Variants in AMPH observed in about 807,000 individuals in gnomAD.
AMPH encodes the protein amphiphysin (Stiff-Mann syndrome with breast cancer 128kD autoantigen).
Under a neutral mutation model 99.1 loss-of-function variants are expected in AMPH, and 49 were observed. The ratio of observed to expected loss-of-function variants is 0.49; its 90% CI spans 0.39 to 0.63. The LOEUF is 0.63. Among genes scored for constraint, AMPH ranks in the 20% least tolerant of loss-of-function variants. The probability of loss-of-function intolerance (pLI) is 0.00; values close to 1 mark genes in which losing one functional copy is unlikely to be tolerated. For synonymous variants in AMPH, 314 were observed against 317.3 expected (o/e 0.99, Z 0.11); for missense variants, 759 against 863.4 (o/e 0.88, Z 1.52).
intron 10 of AMPH, among the ~76,000 whole-genome samples, chr7:38,462,707 G>A (rs1270658854): frequency 6.6e-6 from 1 of 152,174 alleles, no homozygotes; most frequent in Non-Finnish European, 1.5e-5. Context: ...CAAGAGATAG[G>A]AGAAGAGAGA....
At chr7:38,578,605 CA>C (rs1373032732) in intron 1 of AMPH, among the ~76,000 whole-genome samples, 2 of 151,978 alleles carry the variant, frequency 1.3e-5, no homozygotes. Flanking sequence ...ACTATGATAA[CA>C]ATTATTTTTT....
intron 3 of AMPH, 102 bp downstream of exon 3, chr7:38,503,548 G>A: frequency 8.6e-7 from 1 of 1,166,048 alleles, no homozygotes; most frequent in South Asian, 1.3e-5. Flanking sequence ...CATCTTGCCA[G>A]GAAGCCAAAT....
intron 3 of AMPH, among the ~76,000 whole-genome samples, chr7:38,495,958 G>A (rs1439353258): frequency 6.6e-6 from 1 of 152,176 alleles, no homozygotes; most frequent in Non-Finnish European, 1.5e-5. Context: ...AAAACAAGGG[G>A]CCAGGAAGAG....
intron 1 of AMPH, among the ~76,000 whole-genome samples, chr7:38,549,178 T>G (rs541703185): frequency 8.5e-5 from 13 of 152,370 alleles, no homozygotes; most frequent in African/African-American, 3.1e-4. Flanking sequence ...TTCTAGCTGC[T>G]GTATCAAAAG....
At position 38,405,896 on chromosome 7, in the gene AMPH, C is replaced by T. The variant is rs549060442; in HGVS notation, c.1399-11682G>A. On this transcript the variant is annotated intron_variant, in intron 17 of 20. Coordinates refer to ENST00000356264, the MANE Select transcript of AMPH (RefSeq NM_001635.4). ...CTTAATAGACATCTATAGAACATTC[C>T]ACCCAACAACTGCAGAATATACAAT... Among the ~76,000 whole-genome samples, 32 of 152,248 alleles carry T rather than the reference C, an allele frequency of 2.1e-4. 1 individual carries two copies. Among genetic ancestry groups the T allele is most frequent in the African/African-American group, 7.7e-4 (32 of 41,566 alleles).
intron 17 of AMPH, among the ~76,000 whole-genome samples, chr7:38,399,088 A>G (rs1433488347): frequency 1.3e-5 from 2 of 152,026 alleles, no homozygotes; most frequent in Non-Finnish European, 2.9e-5. Flanking sequence ...ACTCTGGCAA[A>G]GGTAAGGTGC....
chr7:38,534,445 G>A (rs934697408), intron 2 of AMPH, among the ~76,000 whole-genome samples: 1 of 152,158 alleles, frequency 6.6e-6, no homozygotes, highest in African/African-American at 2.4e-5. Context: ...GGCCTAGGTG[G>A]GTGGATCGCT....
chr7:38,607,180 C>G (rs1413968530), intron 1 of AMPH, among the ~76,000 whole-genome samples: 1 of 152,162 alleles, frequency 6.6e-6, no homozygotes, highest in Non-Finnish European at 1.5e-5. Context: ...GAGATGGTGA[C>G]TTAGAAATGA....
intron 7 of AMPH, among the ~76,000 whole-genome samples, chr7:38,468,020 G>A (rs925714799): frequency 2.6e-5 from 4 of 152,000 alleles, no homozygotes. Context: ...GAATATCTAT[G>A]ATTAAGGTTT....
intron 1 of AMPH, among the ~76,000 whole-genome samples, chr7:38,569,519 A>G (rs952238024): frequency 2.6e-5 from 4 of 152,210 alleles, no homozygotes; most frequent in East Asian, 1.9e-4. Context: ...AAAGCATAGT[A>G]GAACCGAAAC....
At chr7:38,562,737 G>A (rs577309848) in intron 1 of AMPH, among the ~76,000 whole-genome samples, 34 of 152,178 alleles carry the variant, frequency 2.2e-4, no homozygotes, top group Admixed American at 1.8e-3. Flanking sequence ...AAAACCAAAA[G>A]CATCTTTTAT....
At chr7:38,557,648 C>T (rs1339059689) in intron 1 of AMPH, among the ~76,000 whole-genome samples, 1 of 152,126 alleles carries the variant, frequency 6.6e-6, no homozygotes, top group Non-Finnish European at 1.5e-5. Context: ...TCTTTATTAG[C>T]AGCATGAGAA....
At chr7:38,580,658 GGATGATGATGATGATGAT>G (rs60977723) in intron 1 of AMPH, among the ~76,000 whole-genome samples, 2 of 149,386 alleles carry the variant, frequency 1.3e-5, no homozygotes, top group African/African-American at 2.5e-5. Context: ...AAGAGATATG[GGATGATGATGATGATGAT>G]GATGATGATG....
At chr7:38,629,496 A>C (rs918137069) in intron 1 of AMPH, among the ~76,000 whole-genome samples, 5 of 151,922 alleles carry the variant, frequency 3.3e-5, no homozygotes, top group Non-Finnish European at 5.9e-5. Flanking sequence ...ATCGTGAAAA[A>C]GTGAGTTTTG....
intron 1 of AMPH, among the ~76,000 whole-genome samples, chr7:38,539,040 A>G (rs1475940402): frequency 1.3e-5 from 2 of 152,232 alleles, no homozygotes; most frequent in Non-Finnish European, 2.9e-5. Flanking sequence ...GAAAGAAGTG[A>G]GCTGAAGACA....
intron 3 of AMPH, among the ~76,000 whole-genome samples, chr7:38,495,753 T>G (rs1419547653): frequency 1.3e-5 from 2 of 152,170 alleles, no homozygotes; most frequent in African/African-American, 2.4e-5. Flanking sequence ...GGTCTGAATT[T>G]TCATTAGGGA....
At position 38,534,968 on chromosome 7, in the gene AMPH, T is replaced by A. The variant is rs544763333; in HGVS notation, c.113A>T (p.Gln38Leu). The part of the protein sequence containing the change: ...LGKADETKDE[Q>L]FEEYVQNFKR... ...GAAGTTCTGGACATATTCTTCGAAC[T>A]GTTCGTCTTTTGTCTCATCAGCTTT... Residue 38 changes from glutamine (Q) to leucine (L), a missense_variant, in exon 2 of 21, where the codon CAG (glutamine) becomes CTG (leucine). Gln to Leu is a moderately radical substitution (Grantham distance 113, BLOSUM62 -2). This residue lies in a region of AMPH where 205 missense variants were observed against 287.9 expected (regional missense o/e 0.71). Coordinates refer to ENST00000356264, the MANE Select transcript of AMPH (RefSeq NM_001635.4). 6.2e-7 allele frequency: 1 copy of A among 1,614,170 alleles called. No homozygotes were observed. The highest frequency in any genetic ancestry group is 8.5e-7 in the Non-Finnish European group (1 of 1,180,020).
chr7:38,594,848 T>C (rs1792993698), intron 1 of AMPH, among the ~76,000 whole-genome samples: 1 of 152,170 alleles, frequency 6.6e-6, no homozygotes, highest in Admixed American at 6.5e-5. Context: ...TTAAGCAATA[T>C]TTTTTTCAAA....
intron 11 of AMPH, among the ~76,000 whole-genome samples, chr7:38,445,010 T>TATATATATATATATATATATATAC (rs1458295332): frequency 2.4e-5 from 3 of 125,988 alleles, no homozygotes; most frequent in African/African-American, 8.6e-5. Context: ...TATATATATA[T>TATATATATATATATATATATATAC]ACACACACAC....
Sources: allele counts gnomAD v4.1 joint callset (sites outside exome capture counted in the v4.1 genomes callset), GRCh38; gene constraint gnomAD v4.1.1; regional missense constraint gnomAD v4.1.1; transcripts MANE v1.5; gene names NCBI Gene and HGNC (gene_info 2026-07-23, HGNC 2026-07-21).